The following PCDH15 variants were observed in gnomAD, a reference collection of about 807,000 sequenced individuals.
The protein encoded by PCDH15 is protocadherin-15.
A neutral mutation model predicts 178.5 loss-of-function variants in PCDH15; 129 were observed. The ratio of observed to expected loss-of-function variants is 0.72; its 90% confidence interval spans 0.63 to 0.84. PCDH15 has a LOEUF of 0.84. Ranked by LOEUF, PCDH15 falls within the 40% of genes least tolerant of loss-of-function variation. The probability of loss-of-function intolerance (pLI) is 0.00; values close to 1 mark genes in which losing one functional copy is unlikely to be tolerated. For missense variants in PCDH15, 2,230 were observed against 2,099.9 expected, an observed-to-expected ratio of 1.06 and a Z score of -1.21; for synonymous variants, 800 against 732.0, an observed-to-expected ratio of 1.09 and a Z score of -1.50.
intron 1 of PCDH15, among the ~76,000 whole-genome samples, chr10:55,253,236 G>A (rs922423673): frequency 8.7e-6 from 1 of 114,578 alleles, no homozygotes; most frequent in Non-Finnish European, 2.0e-5. Flanking sequence ...GTGCGTGTGT[G>A]TGTGTGTGTG....
At chr10:55,589,081 CAAAAAAAAAAA>C (rs35940637) in intron 2 of PCDH15, among the ~76,000 whole-genome samples, 16 of 81,168 alleles carry the variant, frequency 2.0e-4, no homozygotes, top group East Asian at 6.9e-4. Context: ...AATTCCGTGT[CAAAAAAAAAAA>C]AAAAAAAAAG....
intron 2 of PCDH15, among the ~76,000 whole-genome samples, chr10:54,930,137 G>A (rs1309865524): frequency 1.3e-5 from 2 of 152,042 alleles, no homozygotes; most frequent in African/African-American, 4.8e-5. Context: ...CCTTTTCCTT[G>A]CCAACCACGT....
intron 8 of PCDH15, among the ~76,000 whole-genome samples, chr10:54,288,396 T>G (rs925051866): frequency 5.3e-5 from 8 of 152,088 alleles, no homozygotes; most frequent in Admixed American, 5.2e-4. Context: ...GAGACTAGAT[T>G]GTCCAATGAA....
chr10:54,264,428 C>A (rs2057535928), intron 8 of PCDH15, among the ~76,000 whole-genome samples: 1 of 152,016 alleles, frequency 6.6e-6, no homozygotes, highest in Non-Finnish European at 1.5e-5. Flanking sequence ...ATGTAAATGT[C>A]TGAAATGAGA....
intron 1 of PCDH15, among the ~76,000 whole-genome samples, chr10:54,716,634 TGCTTATCA>T (rs1301367061): frequency 1.3e-5 from 2 of 152,108 alleles, no homozygotes; most frequent in Admixed American, 6.6e-5. Flanking sequence ...TTGCTGAAGT[TGCTTATCA>T]GCTTAAGGAG....
chr10:54,044,669 C>T (rs1227567201), intron 18 of PCDH15, among the ~76,000 whole-genome samples: 2 of 152,056 alleles, frequency 1.3e-5, no homozygotes, highest in Non-Finnish European at 2.9e-5. Context: ...TAAGCTGCTA[C>T]GAAGTGCAAA....
chr10:55,157,895 G>A (rs1287229436), intron 2 of PCDH15, among the ~76,000 whole-genome samples: 2 of 151,832 alleles, frequency 1.3e-5, no homozygotes, highest in African/African-American at 4.8e-5. Context: ...CATGCCACAT[G>A]TATACATATG....
In PCDH15 at chr10:54,346,413, T is replaced by C. The variant is rs34164469; in HGVS notation, c.546A>G (p.Gly182=). The C allele has an allele frequency of 0.019, 30,765 of 1,613,494 alleles. 337 individuals carry two copies. The highest frequency in any genetic ancestry group is 0.023 in the Non-Finnish European group (27,143 of 1,179,494). The part of the protein sequence containing the change: ...GDNGATDIDD[G]PNGQIEYVIQ... ...TAACATACTCTATCTGTCCATTTGGTCCATCATCTATATCTGTAGCTCCAT... is the reference window on the plus strand; with the variant it reads ...TAACATACTCTATCTGTCCATTTGGCCCATCATCTATATCTGTAGCTCCAT... Residue 182 remains glycine, a synonymous_variant, in exon 6 of 38, where the codon GGA becomes GGG. Coordinates refer to ENST00000644397, the MANE Select transcript of PCDH15 (RefSeq NM_001384140.1).
intron 2 of PCDH15, among the ~76,000 whole-genome samples, chr10:54,915,972 G>T (rs1954894495): frequency 1.3e-5 from 2 of 152,126 alleles, no homozygotes; most frequent in Admixed American, 1.3e-4. Flanking sequence ...CAGCTCACAG[G>T]CACCTGCAAC....
chr10:54,344,248 A>G (rs1942815295), intron 6 of PCDH15, among the ~76,000 whole-genome samples: 1 of 152,128 alleles, frequency 6.6e-6, no homozygotes, highest in Non-Finnish European at 1.5e-5. Context: ...GCTAAAACAT[A>G]TATTATTTAT....
intron 7 of PCDH15, among the ~76,000 whole-genome samples, chr10:54,322,537 TG>T (rs2061679324): frequency 6.6e-6 from 1 of 151,932 alleles, no homozygotes; most frequent in African/African-American, 2.4e-5. Context: ...TAGAGTAAAG[TG>T]ATATGTTTCT....
chr10:54,153,035 T>C, intron 14 of PCDH15, 65 bp downstream of exon 14: 1 of 1,573,190 alleles, frequency 6.4e-7, no homozygotes, highest in Non-Finnish European at 8.7e-7. Flanking sequence ...GCCGCGCTTC[T>C]TAAATTTAAT....
intron 3 of PCDH15, among the ~76,000 whole-genome samples, chr10:54,816,029 A>G (rs532021192): frequency 1.3e-5 from 2 of 152,190 alleles, no homozygotes; most frequent in South Asian, 4.1e-4. Context: ...CAAAAGTTTT[A>G]TGCAGATTTT....
intron 28 of PCDH15, among the ~76,000 whole-genome samples, chr10:53,847,021 T>C (rs928705239): frequency 2.6e-5 from 4 of 152,016 alleles, no homozygotes; most frequent in Non-Finnish European, 5.9e-5. Context: ...CTGGTAGACG[T>C]AGATTAAAAT....
intron 1 of PCDH15, among the ~76,000 whole-genome samples, chr10:54,695,407 T>A (rs1265289419): frequency 1.3e-5 from 2 of 152,152 alleles, no homozygotes; most frequent in African/African-American, 4.8e-5. Flanking sequence ...AGGTTGTTTA[T>A]AACATTTAAT....
intron 2 of PCDH15, among the ~76,000 whole-genome samples, chr10:55,412,617 A>G (rs960973805): frequency 2.6e-5 from 4 of 152,006 alleles, no homozygotes; most frequent in Non-Finnish European, 2.9e-5. Flanking sequence ...TATAAGGTAG[A>G]GGGATTAATA....
chr10:55,104,145 C>T (rs1842628129), intron 2 of PCDH15, among the ~76,000 whole-genome samples: 1 of 151,810 alleles, frequency 6.6e-6, no homozygotes, highest in Admixed American at 6.6e-5. Flanking sequence ...ACTTTCTGCC[C>T]GAAATTCTGA....
rs747731752 is a variant in PCDH15 at position 53,938,806 on chromosome 10, A to G, written c.3373+9T>C. On this transcript the variant is annotated intron_variant, in intron 25 of 37. Transcript: ENST00000644397. ...AATTCTGGTAAAAGCTTTAAGTAGT[A>G]TAACTTACTTTTTGAAGGAACTCGG... is the stretch of plus-strand genomic sequence containing the variant. 2.5e-5 allele frequency: 40 copies of G among 1,612,052 alleles called. No individual in the cohort carries two copies. The highest frequency in any genetic ancestry group is 3.2e-5 in the Non-Finnish European group (38 of 1,179,428).
At chr10:54,065,979 G>A (rs1172712599) in intron 18 of PCDH15, among the ~76,000 whole-genome samples, 1 of 152,144 alleles carries the variant, frequency 6.6e-6, no homozygotes, top group Non-Finnish European at 1.5e-5. Context: ...AACCTTCACA[G>A]GGAAGGAGTA....
Sources: allele counts gnomAD v4.1 joint callset (sites outside exome capture counted in the v4.1 genomes callset), GRCh38; gene constraint gnomAD v4.1.1; transcripts MANE v1.5; gene names NCBI Gene and HGNC (gene_info 2026-07-23, HGNC 2026-07-21).